Variants in NEK11 observed in about 807,000 individuals in gnomAD.
NEK11 encodes serine/threonine-protein kinase Nek11.
NEK11 carries 72 observed loss-of-function variants against 80.7 expected under a neutral mutation model. The observed-to-expected ratio is 0.89, with a 90% CI of 0.74 to 1.08. The LOEUF (loss-of-function observed/expected upper bound fraction) is 1.08. NEK11 is among the 50% of genes least tolerant of loss of function. The pLI, the probability that NEK11 is intolerant of heterozygous loss-of-function variation, is 0.00. For synonymous variants in NEK11, 251 were observed against 260.7 expected (o/e 0.96, Z 0.36); for missense variants, 764 against 763.6 (o/e 1.00, Z -0.01).
At chr3:131,105,585 A>G (rs1422662497) in intron 4 of NEK11, among the ~76,000 whole-genome samples, 4 of 152,226 alleles carry the variant, frequency 2.6e-5, no homozygotes, top group African/African-American at 9.6e-5. Context: ...AAGGAGAAGC[A>G]GGCACTTCTT....
intron 15 of NEK11, among the ~76,000 whole-genome samples, chr3:131,232,715 G>C (rs1276862819): frequency 1.3e-5 from 2 of 152,184 alleles, no homozygotes; most frequent in South Asian, 2.1e-4. Flanking sequence ...CTGAGATTCT[G>C]CTGAGGACCC....
intron 17 of NEK11, among the ~76,000 whole-genome samples, chr3:131,322,495 T>C (rs572663173): frequency 1.8e-4 from 27 of 152,344 alleles, no homozygotes; most frequent in African/African-American, 6.0e-4. Flanking sequence ...TAGTTGTAAC[T>C]ACTTTCTAGA....
chr3:131,100,965 G>C (rs2078280917), intron 4 of NEK11, among the ~76,000 whole-genome samples: 1 of 152,044 alleles, frequency 6.6e-6, no homozygotes, highest in African/African-American at 2.4e-5. Flanking sequence ...ATTCAGTCTT[G>C]GGAGATTGTG....
At chr3:131,200,809 C>T (rs751517323) in intron 14 of NEK11, among the ~76,000 whole-genome samples, 1 of 152,136 alleles carries the variant, frequency 6.6e-6, no homozygotes, top group Admixed American at 6.5e-5. Flanking sequence ...CTGCAGCACC[C>T]GATTAAAGCC....
intron 3 of NEK11, among the ~76,000 whole-genome samples, chr3:131,061,223 A>G (rs7652487): frequency 0.18 from 28,052 of 152,156 alleles, 2,675 homozygotes; most frequent in Non-Finnish European, 0.21. Context: ...GAGCTTCAGT[A>G]TATTCAGAGG....
At chr3:131,139,324 T>C (rs2086321762) in intron 7 of NEK11, among the ~76,000 whole-genome samples, 1 of 98,832 alleles carries the variant, frequency 1.0e-5, no homozygotes, top group African/African-American at 3.8e-5. Context: ...TATTGGAAAA[T>C]ACACAGTCAG....
intron 14 of NEK11, among the ~76,000 whole-genome samples, chr3:131,180,953 GTCTT>G (rs1352317232): frequency 7.2e-4 from 110 of 152,308 alleles, no homozygotes; most frequent in African/African-American, 2.4e-3. Flanking sequence ...AATATTTACA[GTCTT>G]TCTTAGCTCC....
In NEK11 at chr3:131,226,426, TA is replaced by T. The variant is rs1305946805; in HGVS notation, c.1400-2100del. On this transcript the variant is annotated intron_variant, in intron 14 of 17. Transcript: ENST00000383366. ...CAATTGCAAGGATATGGAACCAACA[TA>T]ACTGCCCATCACTGATGAGTGGATA... Among the ~76,000 whole-genome samples, 86 of 151,780 alleles carry T rather than the reference TA, an allele frequency of 5.7e-4. 1 individual carries two copies. Among genetic ancestry groups the T allele is most frequent in the Non-Finnish European group, 1.5e-4 (10 of 67,966 alleles).
chr3:131,101,925 T>A (rs1224358444), intron 4 of NEK11, among the ~76,000 whole-genome samples: 1 of 152,222 alleles, frequency 6.6e-6, no homozygotes, highest in Non-Finnish European at 1.5e-5. Flanking sequence ...CATATATGTT[T>A]GGTATAGTTA....
intron 3 of NEK11, among the ~76,000 whole-genome samples, chr3:131,055,272 A>C (rs1025752349): frequency 1.1e-4 from 16 of 152,230 alleles, no homozygotes; most frequent in African/African-American, 3.9e-4. Flanking sequence ...GAATGTCTTC[A>C]TTCAGTCTTT....
chr3:131,127,196 C>T (rs1483374210), intron 5 of NEK11, among the ~76,000 whole-genome samples: 1 of 151,912 alleles, frequency 6.6e-6, no homozygotes, highest in Non-Finnish European at 1.5e-5. Flanking sequence ...AACTCCTGAC[C>T]TCAGGTGATC....
At chr3:131,165,201 T>A (rs1482703760) in intron 11 of NEK11, 2 of 452,660 alleles carry the variant, frequency 4.4e-6, no homozygotes, top group African/African-American at 4.0e-5. Context: ...TGCTGCATTT[T>A]GGGATTTGTA....
At chr3:131,335,037 G>C (rs1316434781) in intron 17 of NEK11, among the ~76,000 whole-genome samples, 1 of 152,098 alleles carries the variant, frequency 6.6e-6, no homozygotes, top group Admixed American at 6.5e-5. Context: ...TTCTACCAGA[G>C]GTACAAGGAG....
At chr3:131,265,723 G>A (rs2096040547) in intron 16 of NEK11, among the ~76,000 whole-genome samples, 1 of 152,082 alleles carries the variant, frequency 6.6e-6, no homozygotes, top group Admixed American at 6.5e-5. Flanking sequence ...GGATGATGCT[G>A]GCCTCATAAA....
At position 131,300,999 on chromosome 3, in the gene NEK11, C is replaced by T. The variant is rs193094838; in HGVS notation, c.1718+27425C>T. Among the ~76,000 whole-genome samples the T allele has an allele frequency of 8.8e-4, 134 of 152,234 alleles. 1 individual carries two copies. The highest frequency in any genetic ancestry group is 6.8e-3 in the Middle Eastern group (2 of 294). ...GACTGTTTTAACAATATTGGTTCTT[C>T]CTAATCATGAGTATGAAATATTTTT... On this transcript the variant is annotated intron_variant, in intron 17 of 17. Coordinates refer to ENST00000383366, the MANE Select transcript of NEK11 (RefSeq NM_024800.5).
intron 4 of NEK11, among the ~76,000 whole-genome samples, chr3:131,104,239 G>A (rs1266725306): frequency 6.6e-6 from 1 of 152,136 alleles, no homozygotes; most frequent in African/African-American, 2.4e-5. Context: ...GGGCCTGTCA[G>A]TTGTCTCTGG....
intron 3 of NEK11, among the ~76,000 whole-genome samples, chr3:131,052,483 A>G (rs569053093): frequency 2.0e-5 from 3 of 152,160 alleles, no homozygotes; most frequent in African/African-American, 4.8e-5. Flanking sequence ...CTTTACTATC[A>G]GGGGTGTTTT....
chr3:131,043,294 T>G (rs1218300185), intron 3 of NEK11, among the ~76,000 whole-genome samples: 2 of 152,042 alleles, frequency 1.3e-5, no homozygotes, highest in East Asian at 3.9e-4. Flanking sequence ...CTTCAGAAGG[T>G]GGATAATAAT....
At chr3:131,225,342 G>A (rs941389838) in intron 14 of NEK11, among the ~76,000 whole-genome samples, 2 of 152,140 alleles carry the variant, frequency 1.3e-5, no homozygotes, top group African/African-American at 4.8e-5. Flanking sequence ...TACCATCGAG[G>A]TTTGTAATAA....
Sources: gnomAD v4.1 joint callset for allele counts (sites outside exome capture counted in the v4.1 genomes callset) on GRCh38, gnomAD v4.1.1 for gene constraint, MANE v1.5 for transcripts, NCBI Gene and HGNC (gene_info 2026-07-23, HGNC 2026-07-21) for gene names.